Variants in WWP2 observed in about 807,000 individuals in gnomAD.
WWP2 encodes WW domain containing E3 ubiquitin protein ligase 2.
WWP2 carries 57 observed loss-of-function variants against 121.0 expected under a neutral mutation model. The ratio of observed to expected loss-of-function variants is 0.47; its 90% confidence interval spans 0.38 to 0.59. WWP2 has a LOEUF of 0.59. Ranked by LOEUF, WWP2 falls within the 20% of genes least tolerant of loss-of-function variation. The pLI is 0.00. For synonymous variants in WWP2, 449 were observed against 441.3 expected (o/e 1.02, Z -0.22); for missense variants, 962 against 1,158.9 (o/e 0.83, Z 2.47).
chr16:69,934,930 A>G (rs2058772742), intron 17 of WWP2, among the ~76,000 whole-genome samples: 2 of 152,014 alleles, frequency 1.3e-5, no homozygotes, highest in African/African-American at 4.8e-5. Flanking sequence ...GGTGAACAGT[A>G]GACTGGCTGG....
Position 69,809,042 on chromosome 16 carries a change from GTTAT to G in WWP2, c.340+9751_340+9754del, listed in dbSNP as rs575090070. Among the ~76,000 whole-genome samples the G allele has an allele frequency of 4.5e-4, 68 of 152,290 alleles. No homozygotes were observed. The Middle Eastern group carries it at 0.014, about 30-fold the overall frequency. On this transcript the variant is annotated intron_variant, in intron 4 of 23. Transcript: ENST00000359154. ...TTGTGATTTTATCTTCAAACCCAGA[GTTAT>G]TTAAGTGGATGTTTTCCAGTGGTTA... is the stretch of plus-strand genomic sequence containing the variant.
At chr16:69,882,648 G>T (rs917613962) in intron 7 of WWP2, among the ~76,000 whole-genome samples, 4 of 152,308 alleles carry the variant, frequency 2.6e-5, no homozygotes, top group South Asian at 4.1e-4. Context: ...GGGCCGCAGG[G>T]GTCGGGAGGG....
chr16:69,907,783 A>G (rs1200617824), intron 8 of WWP2, among the ~76,000 whole-genome samples: 2 of 152,232 alleles, frequency 1.3e-5, no homozygotes, highest in Non-Finnish European at 2.9e-5. Flanking sequence ...TTAGCTTACA[A>G]ACAGATTTGA....
At chr16:69,798,509 T>G (rs1300257191) in intron 2 of WWP2, among the ~76,000 whole-genome samples, 173 bp from the exon 3 acceptor site, 3 of 152,134 alleles carry the variant, frequency 2.0e-5, no homozygotes, top group Non-Finnish European at 2.9e-5. Flanking sequence ...ACTTCATATT[T>G]TTTTTGGTGT....
At chr16:69,795,049 TG>T in intron 2 of WWP2, among the ~76,000 whole-genome samples, 1 of 152,132 alleles carries the variant, frequency 6.6e-6, no homozygotes, top group South Asian at 2.1e-4. Flanking sequence ...GCCTGGCCAA[TG>T]GGGTGAAATC....
chr16:69,923,322 G>GGC (rs57904410), intron 10 of WWP2, among the ~76,000 whole-genome samples: 1 of 118,644 alleles, frequency 8.4e-6, no homozygotes, highest in Non-Finnish European at 1.7e-5. Context: ...TGGGGGGGTG[G>GGC]GGGGGGTGCG....
chr16:69,826,646 G>A (rs1394640502), intron 4 of WWP2, among the ~76,000 whole-genome samples: 4 of 149,954 alleles, frequency 2.7e-5, no homozygotes, highest in Admixed American at 2.7e-4. Flanking sequence ...TTGGGAGGCC[G>A]AGGCGGGTGG....
chr16:69,934,196 G>A, intron 17 of WWP2, 67 bp downstream of exon 17: 1 of 1,568,616 alleles, frequency 6.4e-7, no homozygotes, highest in Non-Finnish European at 8.7e-7. Flanking sequence ...TCCTGGTGAA[G>A]TGTGCCAGGG....
chr16:69,937,303 G>T lies in WWP2; in HGVS notation c.2238+65G>T. On this transcript the variant is annotated intron_variant, in intron 20 of 23. Coordinates refer to ENST00000359154, the MANE Select transcript of WWP2 (RefSeq NM_001270454.2). The surrounding 1 kb of genome is among the most constrained non-coding windows in gnomAD (Gnocchi z 6.6). ...CTGGGGCGATCCTGCTCTGTGATAC[G>T]CTCACTGTGTACCCACAGACACTCA... is the stretch of plus-strand genomic sequence containing the variant. 1 of 1,590,344 alleles carries T rather than the reference G, an allele frequency of 6.3e-7. No homozygotes were observed.
At chr16:69,786,137 CTT>C (rs66601463) in intron 1 of WWP2, 17,722 of 139,850 alleles carry the variant, frequency 0.13, 1,322 homozygotes, top group Non-Finnish European at 0.17. Context: ...TTGGAGATGT[CTT>C]TTTTTTTTTT....
At chr16:69,769,044 C>G (rs1004432573) in intron 1 of WWP2, among the ~76,000 whole-genome samples, 2 of 152,112 alleles carry the variant, frequency 1.3e-5, no homozygotes, top group Non-Finnish European at 2.9e-5. Flanking sequence ...GCAGGCTGGG[C>G]GCAGTGGCTC....
intron 6 of WWP2, among the ~76,000 whole-genome samples, chr16:69,846,805 G>T (rs1275983010): frequency 6.6e-6 from 1 of 152,082 alleles, no homozygotes; most frequent in Non-Finnish European, 1.5e-5. Context: ...CAGGTGTAAT[G>T]AGAAAAGAGT....
chr16:69,820,803 C>T (rs966005996), intron 4 of WWP2, among the ~76,000 whole-genome samples: 3 of 150,048 alleles, frequency 2.0e-5, no homozygotes, highest in African/African-American at 4.9e-5. Context: ...ACCTACAACA[C>T]AAAACCATGA....
At chr16:69,877,586 C>T (rs529410474) in intron 7 of WWP2, among the ~76,000 whole-genome samples, 89 of 152,250 alleles carry the variant, frequency 5.8e-4, no homozygotes, top group Admixed American at 2.8e-3. Context: ...CTAACTGTCA[C>T]AAGAGTCCCA....
chr16:69,852,558 G>T (rs1169727638), intron 6 of WWP2, among the ~76,000 whole-genome samples: 1 of 152,200 alleles, frequency 6.6e-6, no homozygotes. Flanking sequence ...ACAGGCATGA[G>T]CTGCCTTGCC....
At chr16:69,841,971 C>A in intron 5 of WWP2, 53 bp from the exon 6 acceptor site, 1 of 1,548,272 alleles carries the variant, frequency 6.5e-7, no homozygotes, top group Non-Finnish European at 8.8e-7. Flanking sequence ...ATCTCAAACA[C>A]GAGTTGAGCT....
In WWP2 at chr16:69,937,574, A is replaced by G. The variant is rs1314714691; in HGVS notation, c.2265A>G (p.Ile755Met). 2 of 1,614,008 alleles carry G rather than the reference A, an allele frequency of 1.2e-6. No individual in the cohort carries two copies. Among genetic ancestry groups the G allele is most frequent in the Non-Finnish European group, 1.7e-6 (2 of 1,180,002 alleles). ...TGATGCTGTGCGGCATGCAGGAGAT[A>G]GACATGAGCGACTGGCAGAAGAGCA... ...LELMLCGMQE[I>M]DMSDWQKSTI... Residue 755 changes from isoleucine to methionine, a missense_variant, in exon 21 of 24, where the codon ATA becomes ATG. Around this residue, in one of 3 missense-constraint regions of WWP2, gnomAD observed 606 missense variants for 772.6 expected, o/e 0.78. Transcript: ENST00000359154. This position sits in a 1 kb window ranked among gnomAD's most constrained non-coding sequence, Gnocchi z 6.6.
At position 69,871,833 on chromosome 16, in the gene WWP2, G is replaced by C. The variant is rs2057642703; in HGVS notation, c.605G>C (p.Arg202Thr). 6.2e-7 allele frequency: 1 copy of C among 1,614,004 alleles called. No individual in the cohort carries two copies. Among genetic ancestry groups the C allele is most frequent in the African/African-American group, 1.3e-5 (1 of 74,932 alleles). Residue 202 changes from arginine to threonine, a missense_variant, in exon 7 of 24, where the codon AGA becomes ACA. By Grantham distance (71) the Arg-to-Thr change is moderately conservative. This residue lies in a region of WWP2 where 211 missense variants were observed against 196.5 expected (regional missense o/e 1.07). Coordinates refer to ENST00000359154, the MANE Select transcript of WWP2 (RefSeq NM_001270454.2). ...CACAGACATTCGGGTGCTTCAGCCAGAACAACCCCAGCAACCGGCGAGCAA... is the reference window on the plus strand; with the variant it reads ...CACAGACATTCGGGTGCTTCAGCCACAACAACCCCAGCAACCGGCGAGCAA... ...RTHRHSGASA[R>T]TTPATGEQSP...
intron 6 of WWP2, among the ~76,000 whole-genome samples, chr16:69,860,621 G>C (rs1261844965): frequency 6.6e-6 from 1 of 152,172 alleles, no homozygotes; most frequent in Non-Finnish European, 1.5e-5. Context: ...GTCTAGAGAG[G>C]TATTTTGAGG....
Sources: allele counts gnomAD v4.1 joint callset (sites outside exome capture counted in the v4.1 genomes callset), GRCh38; gene constraint gnomAD v4.1.1; regional missense constraint gnomAD v4.1.1; non-coding constraint Gnocchi (gnomAD v3.1); transcripts MANE v1.5; gene names NCBI Gene and HGNC (gene_info 2026-07-23, HGNC 2026-07-21).